The following GHR variants were observed in gnomAD, a reference collection of about 807,000 sequenced individuals.
GHR encodes GH receptor.
GHR carries 35 observed loss-of-function variants against 67.1 expected under a neutral mutation model. That is an observed-to-expected ratio of 0.52 (90% confidence interval 0.40 to 0.69). GHR has a LOEUF of 0.69. Among genes scored for constraint, GHR ranks in the 30% least tolerant of loss-of-function variants. The probability of loss-of-function intolerance (pLI) is 0.00; values close to 1 mark genes in which losing one functional copy is unlikely to be tolerated. For synonymous variants in GHR, 272 were observed against 269.1 expected, an observed-to-expected ratio of 1.01 and a Z score of -0.10; for missense variants, 792 against 764.6, an observed-to-expected ratio of 1.04 and a Z score of -0.42.
At chr5:42,467,153 G>T in intron 1 of GHR, 3 of 1,600,202 alleles carry the variant, frequency 1.9e-6, no homozygotes, top group Non-Finnish European at 2.6e-6. Context: ...TCTCCACTGT[G>T]AATTCTCTGG....
At chr5:42,550,187 T>A (rs1314063883) in intron 1 of GHR, 1 of 501,962 alleles carries the variant, frequency 2.0e-6, no homozygotes, top group African/African-American at 2.1e-5. Flanking sequence ...CAAGGAATAC[T>A]GAAAAAGCCC....
intron 1 of GHR, among the ~76,000 whole-genome samples, chr5:42,453,312 T>C (rs1007568852): frequency 1.3e-5 from 2 of 152,140 alleles, no homozygotes; most frequent in Non-Finnish European, 2.9e-5. Context: ...ATACAGTTTA[T>C]TTACTGGTCT....
chr5:42,543,181 T>A (rs1384498933), intron 1 of GHR, among the ~76,000 whole-genome samples: 1 of 152,138 alleles, frequency 6.6e-6, no homozygotes. Context: ...GAATGGTAGA[T>A]CTACTTTTAG....
chr5:42,602,212 A>G (rs752824642), intron 2 of GHR, among the ~76,000 whole-genome samples: 1 of 152,148 alleles, frequency 6.6e-6, no homozygotes, highest in Non-Finnish European at 1.5e-5. Flanking sequence ...CAAATTTCCA[A>G]TATGCAATAC....
chr5:42,697,324 T>C (rs960712464), intron 5 of GHR, among the ~76,000 whole-genome samples: 1 of 152,202 alleles, frequency 6.6e-6, no homozygotes, highest in Admixed American at 6.5e-5. Flanking sequence ...CCAGTCAATG[T>C]TCTCCATGCT....
At chr5:42,709,147 C>A (rs1261949105) in intron 6 of GHR, among the ~76,000 whole-genome samples, 2 of 151,516 alleles carry the variant, frequency 1.3e-5, no homozygotes, top group African/African-American at 4.8e-5. Flanking sequence ...GCTTTTTTTT[C>A]TCCCCCCCAC....
intron 1 of GHR, among the ~76,000 whole-genome samples, chr5:42,449,698 A>C (rs1743965437): frequency 6.6e-6 from 1 of 152,162 alleles, no homozygotes; most frequent in South Asian, 2.1e-4. Context: ...GACAGTGGGC[A>C]TGCTTGTCTT....
intron 3 of GHR, among the ~76,000 whole-genome samples, chr5:42,685,791 G>GT (rs1267978921): frequency 1.3e-5 from 2 of 151,672 alleles, no homozygotes; most frequent in Admixed American, 6.6e-5. Flanking sequence ...TGATGGGGTT[G>GT]TTTTTTTTCT....
At chr5:42,696,126 A>T (rs893267232) in intron 5 of GHR, among the ~76,000 whole-genome samples, 1 of 152,236 alleles carries the variant, frequency 6.6e-6, no homozygotes, top group African/African-American at 2.4e-5. Flanking sequence ...TAGCAAGAAC[A>T]CTGGGTTAAA....
intron 1 of GHR, among the ~76,000 whole-genome samples, chr5:42,431,237 ATTCTAAAACAATGCAACTCATCAC>A (rs1455766133): frequency 6.6e-6 from 1 of 152,190 alleles, no homozygotes; most frequent in African/African-American, 2.4e-5. Context: ...TCTTGCTTTC[ATTCTAAAACAATGCAACTCATCAC>A]TATCTGATGC....
At chr5:42,503,929 T>G (rs1248550827) in intron 1 of GHR, among the ~76,000 whole-genome samples, 1 of 152,070 alleles carries the variant, frequency 6.6e-6, no homozygotes, top group African/African-American at 2.4e-5. Flanking sequence ...GTGCTTAGAA[T>G]GAAAGGGATT....
intron 2 of GHR, among the ~76,000 whole-genome samples, chr5:42,594,160 AG>A (rs1471131222): frequency 6.6e-6 from 1 of 152,208 alleles, no homozygotes; most frequent in Non-Finnish European, 1.5e-5. Flanking sequence ...CTATCACTTT[AG>A]CCTCCTTGAC....
chr5:42,461,515 G>A (rs1744486474), intron 1 of GHR, among the ~76,000 whole-genome samples: 1 of 152,174 alleles, frequency 6.6e-6, no homozygotes, highest in Non-Finnish European at 1.5e-5. Flanking sequence ...CTGTCAGCCT[G>A]ATTGTCATTT....
At chr5:42,428,617 G>C (rs1308587065) in intron 1 of GHR, among the ~76,000 whole-genome samples, 1 of 152,100 alleles carries the variant, frequency 6.6e-6, no homozygotes, top group Non-Finnish European at 1.5e-5. Flanking sequence ...ATGCTTTGCT[G>C]CTTCTAAATT....
intron 1 of GHR, among the ~76,000 whole-genome samples, chr5:42,429,836 G>A (rs572578343): frequency 6.6e-5 from 10 of 152,008 alleles, no homozygotes; most frequent in Non-Finnish European, 1.2e-4. Flanking sequence ...TTTTTTCATA[G>A]GCCTCATTGT....
At chr5:42,495,052 T>G (rs566086703) in intron 1 of GHR, among the ~76,000 whole-genome samples, 1 of 134,348 alleles carries the variant, frequency 7.4e-6, no homozygotes, top group South Asian at 2.7e-4. Flanking sequence ...GGTATAGAAC[T>G]AAGTGACACA....
chr5:42,582,993 G>T (rs1751269976), intron 2 of GHR, among the ~76,000 whole-genome samples: 1 of 152,132 alleles, frequency 6.6e-6, no homozygotes, highest in Non-Finnish European at 1.5e-5. Context: ...ATGGGGTCCA[G>T]GCTGGTAGCG....
intron 1 of GHR, among the ~76,000 whole-genome samples, chr5:42,555,864 A>G (rs1182966055): frequency 6.6e-6 from 1 of 152,164 alleles, no homozygotes; most frequent in Non-Finnish European, 1.5e-5. Context: ...AAAGGCAGCT[A>G]TTATTACACT....
chr5:42,625,959 C>T (rs1218035238), intron 2 of GHR, among the ~76,000 whole-genome samples: 1 of 151,818 alleles, frequency 6.6e-6, no homozygotes, highest in Non-Finnish European at 1.5e-5. Flanking sequence ...TAATGTTATG[C>T]CAGAGTCATA....
Sources: allele counts gnomAD v4.1 joint callset (sites outside exome capture counted in the v4.1 genomes callset), GRCh38; gene constraint gnomAD v4.1.1; transcripts MANE v1.5; gene names NCBI Gene and HGNC (gene_info 2026-07-23, HGNC 2026-07-21).